The following LLGL1 variants were observed in gnomAD, a reference collection of about 807,000 sequenced individuals.
LLGL1 encodes lethal(2) giant larvae protein homolog 1.
A neutral mutation model predicts 110.6 loss-of-function variants in LLGL1; 58 were observed. That is an observed-to-expected ratio of 0.52 (90% CI 0.42 to 0.65). LLGL1 has a LOEUF of 0.65. Among genes scored for constraint, LLGL1 ranks in the 30% least tolerant of loss-of-function variants. The probability of loss-of-function intolerance (pLI) is 0.00; values close to 1 mark genes in which losing one functional copy is unlikely to be tolerated. For missense variants in LLGL1, 1,229 were observed against 1,462.1 expected, an observed-to-expected ratio of 0.84 and a Z score of 2.60; for synonymous variants, 674 against 607.2, an observed-to-expected ratio of 1.11 and a Z score of -1.62.
chr17:18,237,033 A>T, intron 13 of LLGL1, 94 bp downstream of exon 13: 1 of 1,143,442 alleles, frequency 8.7e-7, no homozygotes, highest in East Asian at 2.6e-5. Context: ...ATGGACTGGC[A>T]CAGGCAAAAG....
chr17:18,234,899 T>C lies in LLGL1; in HGVS notation c.966T>C (p.Cys322=). 6.8e-6 allele frequency: 11 copies of C among 1,614,050 alleles called. No individual in the cohort carries two copies. Among genetic ancestry groups the C allele is most frequent in the Non-Finnish European group, 8.5e-6 (10 of 1,179,988 alleles). The change falls in exon 9 of 23, where the codon TGT becomes TGC. Residue 322 remains cysteine, a synonymous_variant. Coordinates refer to ENST00000316843, the MANE Select transcript of LLGL1 (RefSeq NM_004140.4). ...MPRASYGDRH[C]VSVLRAETLV... is the part of the protein sequence containing the mutation. ...GTGCCAGCTATGGTGACCGCCACTG[T>C]GTAAGTGTGCTTCGAGCCGAGACAT...
chr17:18,241,807 G>GGGCACA, intron 18 of LLGL1, 78 bp from the exon 19 acceptor site: 1 of 1,607,170 alleles, frequency 6.2e-7, no homozygotes, highest in Admixed American at 1.7e-5. Context: ...CACTCCAGGT[G>GGGCACA]GGCACAGGCC....
At chr17:18,235,678 G>A in intron 11 of LLGL1, 141 bp downstream of exon 11, 1 of 776,050 alleles carries the variant, frequency 1.3e-6, no homozygotes, top group South Asian at 1.8e-5. Flanking sequence ...GCCCAAGGTG[G>A]TTTGGAATGA....
Position 18,232,743 on chromosome 17 carries a change from C to T in LLGL1, c.333C>T (p.Ala111=). ...AGATTGTCCACCATAATGGCTGTGCCCACCTGGAAGAAGCACTCAGTTTCC... is the reference window on the plus strand; with the variant it reads ...AGATTGTCCACCATAATGGCTGTGCTCACCTGGAAGAAGCACTCAGTTTCC... The part of the protein sequence containing the change: ...LWEIVHHNGC[A]HLEEALSFQL... Residue 111 remains alanine (A), a synonymous_variant, in exon 4 of 23, where the codon GCC becomes GCT. Transcript: ENST00000316843. 6.2e-7 allele frequency: 1 copy of T among 1,614,122 alleles called. No individual in the cohort carries two copies. Among genetic ancestry groups the T allele is most frequent in the South Asian group, 1.1e-5 (1 of 91,090 alleles).
Position 18,235,161 on chromosome 17 carries a change from G to T in LLGL1, c.1133G>T (p.Gly378Val). ...GTGGTGCTGGACCTGCAGACTCCTG[G>T]CTGGCCAGCTGTGCCTGCCCCATAC... ...ELVVLDLQTP[G>V]WPAVPAPYLA... Residue 378 changes from glycine to valine, a missense_variant, in exon 10 of 23, where the codon GGC becomes GTC. By Grantham distance (109) the Gly-to-Val change is moderately radical. Transcript: ENST00000316843. The T allele has an allele frequency of 6.2e-7, 1 of 1,613,288 alleles. No homozygotes were observed. Among genetic ancestry groups the T allele is most frequent in the East Asian group, 2.2e-5 (1 of 44,874 alleles).
chr17:18,244,226 T>C lies in LLGL1; in HGVS notation c.*320T>C, dbSNP rs1243137568. On this transcript the variant is annotated 3_prime_UTR_variant, in exon 23 of 23. Transcript: ENST00000316843. Reference sequence around the variant, plus strand: ...CACACACCATCCTTCCCCCTCACTTTGCAGAGTATTTTTCCTTTTTTTTTT... The same window carrying C: ...CACACACCATCCTTCCCCCTCACTTCGCAGAGTATTTTTCCTTTTTTTTTT... 5 of 148,540 alleles carry C rather than the reference T, an allele frequency of 3.4e-5. No homozygotes were observed. The highest frequency in any genetic ancestry group is 7.4e-5 in the African/African-American group (3 of 40,326). The allele number at this position is 148,540 out of a possible 1,614,324, so 9.2% of individuals were successfully genotyped here.
At chr17:18,230,354 C>G (rs2047540678) in intron 2 of LLGL1, among the ~76,000 whole-genome samples, 1 of 152,170 alleles carries the variant, frequency 6.6e-6, no homozygotes, top group African/African-American at 2.4e-5. Flanking sequence ...CTGGGGAGGC[C>G]AGGCAGAAGG....
Position 18,225,712 on chromosome 17 carries a change from C to A in LLGL1, c.30C>A (p.Gly10=). 1.9e-6 allele frequency: 2 copies of A among 1,052,850 alleles called. No homozygotes were observed. The highest frequency in any genetic ancestry group is 2.7e-5 in the South Asian group (1 of 36,662). 65.2% of individuals were successfully genotyped at this position (1,052,850 alleles called of 1,614,324 possible). ...TGAAGTTTCGGTTCCGGCGGCAGGGCGCCGACCCGCAGCGCGAGAAGCTCA... is the reference window on the plus strand; with the variant it reads ...TGAAGTTTCGGTTCCGGCGGCAGGGAGCCGACCCGCAGCGCGAGAAGCTCA... MMKFRFRRQ[G]ADPQREKLKQ... is the part of the protein sequence containing the mutation. Residue 10 remains glycine, a synonymous_variant, in exon 1 of 23, where the codon GGC becomes GGA. Transcript: ENST00000316843.
chr17:18,240,739 G>A lies in LLGL1; in HGVS notation c.2368G>A (p.Val790Met). The change falls in exon 17 of 23, where the codon GTG (valine) becomes ATG (methionine). Residue 790 changes from valine to methionine, a missense_variant. Val to Met is a conservative substitution (Grantham distance 21). Transcript: ENST00000316843. The surrounding 1 kb of genome is among the most constrained non-coding windows in gnomAD (Gnocchi z 5.3). ...GGTGCAGCTGATGCACCGGGCGCCT[G>A]TGGTGGCCATTGCCGTGTTGGACGG... ...KEVQLMHRAPVVAIAVLDGRG... is the reference protein window; with the variant it reads ...KEVQLMHRAPMVAIAVLDGRG... 6.2e-7 allele frequency: 1 copy of A among 1,612,266 alleles called. No individual in the cohort carries two copies. Among genetic ancestry groups the A allele is most frequent in the Non-Finnish European group, 8.5e-7 (1 of 1,179,402 alleles).
chr17:18,236,273 T>G (rs1040474417), intron 11 of LLGL1: 16 of 303,710 alleles, frequency 5.3e-5, no homozygotes, highest in Non-Finnish European at 9.9e-5. Context: ...CTTGATCACC[T>G]CTGATGGCTG....
In LLGL1 at chr17:18,225,677, C is replaced by G. The variant is rs555731675; in HGVS notation, c.-6C>G. 12 of 1,014,418 alleles carry G rather than the reference C, an allele frequency of 1.2e-5. No individual in the cohort carries two copies. In the African/African-American group the frequency reaches 2.1e-4, roughly 18 times the overall value. 62.8% of individuals were successfully genotyped at this position (1,014,418 alleles called of 1,614,324 possible). A position where few individuals can be genotyped will look rare whatever the true frequency, so the allele number is the denominator to read the frequency against. Reference sequence around the variant, plus strand: ...GGCGGGCGAGGCGCCTGCAGCCGGGCGCAAGATGATGAAGTTTCGGTTCCG... The same window carrying G: ...GGCGGGCGAGGCGCCTGCAGCCGGGGGCAAGATGATGAAGTTTCGGTTCCG... On this transcript the variant is annotated 5_prime_UTR_variant, in exon 1 of 23. Coordinates refer to ENST00000316843, the MANE Select transcript of LLGL1 (RefSeq NM_004140.4).
chr17:18,232,881 C>G, intron 4 of LLGL1, 79 bp downstream of exon 4: 2 of 1,581,986 alleles, frequency 1.3e-6, no homozygotes, highest in Admixed American at 1.7e-5. Context: ...TGTGCAAAGG[C>G]AGCATGGAGA....
rs764576514 is a variant in LLGL1, at chr17:18,233,787, C to T, written c.402C>T (p.Leu134=). 1.2e-6 allele frequency: 2 copies of T among 1,613,350 alleles called. No homozygotes were observed. Among genetic ancestry groups the T allele is most frequent in the South Asian group, 1.1e-5 (1 of 91,018 alleles). The change falls in exon 5 of 23, where the codon CTC becomes CTT. Residue 134 remains leucine (L), a synonymous_variant. Coordinates refer to ENST00000316843, the MANE Select transcript of LLGL1 (RefSeq NM_004140.4). ...RPGFDGASAP[L]SLTRVTVVLL... is the part of the protein sequence containing the mutation. Reference sequence around the variant, plus strand: ...CCCTTGTTCCCTGCAGTGCTCCGCTCAGCCTTACCCGAGTCACAGTGGTCC... The same window carrying T: ...CCCTTGTTCCCTGCAGTGCTCCGCTTAGCCTTACCCGAGTCACAGTGGTCC...
chr17:18,242,967 T>G, intron 22 of LLGL1, 145 bp downstream of exon 22: 1 of 744,950 alleles, frequency 1.3e-6, no homozygotes, highest in South Asian at 1.9e-5. Flanking sequence ...CTGCCTTCCA[T>G]GGAGTGCCTC....
At chr17:18,228,698 G>A (rs1054580910) in intron 1 of LLGL1, among the ~76,000 whole-genome samples, 1 of 152,318 alleles carries the variant, frequency 6.6e-6, no homozygotes, top group East Asian at 1.9e-4. Flanking sequence ...CCTGGTTGTA[G>A]CGAGGGACTG....
chr17:18,241,620 C>T lies in LLGL1; in HGVS notation c.2672C>T (p.Ser891Leu), dbSNP rs1182899552. The stretch of plus-strand genomic sequence containing the variant: ...AACCTGGGTGACGTCCACGTCTTCT[C>T]GGTGCCTGGCCTGCGGCCCCAGGTG... Reference protein sequence around the residue: ...LTNLGDVHVFSVPGLRPQVHY... With the variant: ...LTNLGDVHVFLVPGLRPQVHY... The change falls in exon 18 of 23, where the codon TCG becomes TTG. Residue 891 changes from serine to leucine, a missense_variant. Ser to Leu is a moderately radical substitution (Grantham distance 145). Transcript: ENST00000316843. The T allele has an allele frequency of 8.1e-6, 13 of 1,613,674 alleles. No homozygotes were observed. The highest frequency in any genetic ancestry group is 1.3e-5 in the African/African-American group (1 of 75,070).
In LLGL1 at chr17:18,244,712, G is replaced by A. The variant is rs1212634172; in HGVS notation, c.*806G>A. On this transcript the variant is annotated 3_prime_UTR_variant, in exon 23 of 23. Coordinates refer to ENST00000316843, the MANE Select transcript of LLGL1 (RefSeq NM_004140.4). ...CCACATCTGGGGCCTAGTCAGGTGT[G>A]TGTGTCCGGCGGGGGGGGGGGGCAG... 8.3e-6 allele frequency: 1 copy of A among 120,538 alleles called. No homozygotes were observed. Among genetic ancestry groups the A allele is most frequent in the African/African-American group, 3.4e-5 (1 of 29,716 alleles). 7.5% of individuals were successfully genotyped at this position (120,538 alleles called of 1,614,324 possible).
chr17:18,234,652 C>A lies in LLGL1; in HGVS notation c.854C>A (p.Pro285His), dbSNP rs760456293. ...QPTVATTPYG[P>H]FPCKAINKIL... The stretch of plus-strand genomic sequence containing the variant: ...CTGACGCTGTCCCACCCCTCAGGCC[C>A]CTTTCCCTGCAAGGCCATTAACAAG... Residue 285 changes from proline (P) to histidine (H), a missense_variant, in exon 8 of 23, where the codon CCC becomes CAC. Physicochemically the swap from Pro to His is moderately conservative, Grantham distance 77. Coordinates refer to ENST00000316843, the MANE Select transcript of LLGL1 (RefSeq NM_004140.4). 1.2e-6 allele frequency: 2 copies of A among 1,614,140 alleles called. No individual in the cohort carries two copies. The highest frequency in any genetic ancestry group is 2.2e-5 in the South Asian group (2 of 91,084).
At chr17:18,230,121 C>A in intron 2 of LLGL1, 83 bp downstream of exon 2, 2 of 1,078,274 alleles carry the variant, frequency 1.9e-6, no homozygotes, top group Non-Finnish European at 2.7e-6. Flanking sequence ...CCAGTCTTGG[C>A]AGTGTCCAGC....
Sources: gnomAD v4.1 joint callset for allele counts (sites outside exome capture counted in the v4.1 genomes callset) on GRCh38, gnomAD v4.1.1 for gene constraint, Gnocchi (gnomAD v3.1) non-coding constraint, MANE v1.5 for transcripts, NCBI Gene and HGNC (gene_info 2026-07-23, HGNC 2026-07-21) for gene names.